Variants in IL1RAPL1 observed in about 807,000 individuals in gnomAD.
IL1RAPL1 encodes interleukin-1 receptor accessory protein-like 1.
In IL1RAPL1, 3 loss-of-function variants were observed where a neutral mutation model predicts 48.4. The ratio of observed to expected loss-of-function variants is 0.06; its 90% CI spans 0.03 to 0.16. The LOEUF (loss-of-function observed/expected upper bound fraction) is 0.16. Ranked by LOEUF, IL1RAPL1 falls within the 10% of genes least tolerant of loss-of-function variation. The probability of loss-of-function intolerance (pLI) is 1.00; values close to 1 mark genes in which losing one functional copy is unlikely to be tolerated. For synonymous variants in IL1RAPL1, 185 were observed against 187.7 expected, an observed-to-expected ratio of 0.99 and a Z score of 0.12; for missense variants, 349 against 530.6, an observed-to-expected ratio of 0.66 and a Z score of 3.36.
chrX:28,642,229 C>T (rs1371686468), intron 1 of IL1RAPL1, among the ~76,000 whole-genome samples: 1 of 111,028 alleles, frequency 9.0e-6, no homozygotes, highest in Non-Finnish European at 1.9e-5. Flanking sequence ...TTTAACACCC[C>T]ACTGTCAATA....
intron 5 of IL1RAPL1, among the ~76,000 whole-genome samples, chrX:29,495,813 A>G (rs923070640): frequency 9.0e-6 from 1 of 110,991 alleles, no homozygotes; most frequent in Non-Finnish European, 1.9e-5. Context: ...TGAAATACAT[A>G]CTATCGCTAT....
At chrX:29,674,888 A>C (rs182869876) in intron 6 of IL1RAPL1, among the ~76,000 whole-genome samples, 52 of 112,275 alleles carry the variant, frequency 4.6e-4, no homozygotes, top group African/African-American at 1.6e-3. Flanking sequence ...GTTCCTGCAA[A>C]GGACATGATC....
chrX:28,988,820 CAT>C (rs1306992498), intron 2 of IL1RAPL1, among the ~76,000 whole-genome samples: 4 of 111,837 alleles, frequency 3.6e-5, no homozygotes, highest in East Asian at 2.8e-4. Context: ...TTATAGCACA[CAT>C]GATTGTTGTA....
intron 7 of IL1RAPL1, among the ~76,000 whole-genome samples, chrX:29,918,164 T>A (rs1932816943): frequency 4.4e-5 from 3 of 67,826 alleles, no homozygotes; most frequent in African/African-American, 1.7e-4. Flanking sequence ...TATATATATA[T>A]ATATATAGTG....
At chrX:29,257,953 A>C (rs5943629) in intron 2 of IL1RAPL1, among the ~76,000 whole-genome samples, 58,512 of 110,348 alleles carry the variant, frequency 0.53, 12,810 homozygotes, top group Non-Finnish European at 0.69. Context: ...CTTTGACAAC[A>C]TTTGTGAAAG....
At chrX:29,378,822 A>C (rs1056008594) in intron 3 of IL1RAPL1, among the ~76,000 whole-genome samples, 1 of 112,100 alleles carries the variant, frequency 8.9e-6, no homozygotes, top group African/African-American at 3.2e-5. Context: ...CCTGGGTCTT[A>C]GGAAACCCCT....
At chrX:29,276,485 G>C (rs1569596) in intron 2 of IL1RAPL1, among the ~76,000 whole-genome samples, 53,229 of 110,201 alleles carry the variant, frequency 0.48, 10,287 homozygotes, top group Non-Finnish European at 0.61. Context: ...TTAATTATCA[G>C]GGTTAAAAAT....
intron 2 of IL1RAPL1, among the ~76,000 whole-genome samples, chrX:28,966,159 C>A (rs1374023068): frequency 1.8e-5 from 2 of 111,824 alleles, no homozygotes; most frequent in Non-Finnish European, 3.8e-5. Flanking sequence ...TTAGAATAAG[C>A]CAATCTTTAG....
chrX:29,055,749 A>AACAT (rs1927199055), intron 2 of IL1RAPL1, among the ~76,000 whole-genome samples: 1 of 112,070 alleles, frequency 8.9e-6, no homozygotes, highest in Non-Finnish European at 1.9e-5. Flanking sequence ...ACTGACATGA[A>AACAT]ACATACATTA....
intron 6 of IL1RAPL1, among the ~76,000 whole-genome samples, chrX:29,806,004 G>T (rs1245588448): frequency 9.3e-6 from 1 of 108,061 alleles, no homozygotes; most frequent in Non-Finnish European, 1.9e-5. Flanking sequence ...AGGGATGGAG[G>T]CAGGGAGGGA....
chrX:29,878,951 A>G (rs1198320645), intron 6 of IL1RAPL1, among the ~76,000 whole-genome samples: 1 of 111,847 alleles, frequency 8.9e-6, no homozygotes, highest in Non-Finnish European at 1.9e-5. Context: ...CTGCACATGA[A>G]TGTTTATAGC....
intron 2 of IL1RAPL1, among the ~76,000 whole-genome samples, chrX:28,904,193 G>T (rs1331997033): frequency 9.0e-6 from 1 of 111,162 alleles, no homozygotes. Context: ...AAATTAAATT[G>T]TTTAATCATA....
rs757953632 is a variant in IL1RAPL1 at position 28,668,970 on chromosome X, G to A, written c.-25+80923G>A. Among the ~76,000 whole-genome samples, 455 of 111,679 alleles carry A rather than the reference G, an allele frequency of 4.1e-3. 1 individual carries two copies. The highest frequency in any genetic ancestry group is 0.014 in the African/African-American group (425 of 30,738). ...ATAATAATATTCATTCTTTCTCACA[G>A]TGGTTAAGAGGATTAAATTAGGAAA... On this transcript the variant is annotated intron_variant, in intron 1 of 10. Coordinates refer to ENST00000378993, the MANE Select transcript of IL1RAPL1 (RefSeq NM_014271.4).
chrX:29,818,229 GA>G (rs1004706613), intron 6 of IL1RAPL1, among the ~76,000 whole-genome samples: 4 of 112,333 alleles, frequency 3.6e-5, no homozygotes, highest in Middle Eastern at 9.2e-3. Context: ...TTGAACAGTG[GA>G]AAAAAATGCA....
chrX:29,912,720 G>T (rs1215300665), intron 6 of IL1RAPL1, among the ~76,000 whole-genome samples: 3 of 112,041 alleles, frequency 2.7e-5, no homozygotes, highest in East Asian at 2.8e-4. Flanking sequence ...AAAATCAAGA[G>T]ACTATAAAAT....
At chrX:28,642,999 C>T (rs1000495613) in intron 1 of IL1RAPL1, among the ~76,000 whole-genome samples, 1 of 110,554 alleles carries the variant, frequency 9.0e-6, no homozygotes, top group Non-Finnish European at 1.9e-5. Flanking sequence ...AGTGATTCTC[C>T]TCTCTCAGCC....
At chrX:29,873,013 C>T (rs1181422099) in intron 6 of IL1RAPL1, among the ~76,000 whole-genome samples, 1 of 111,688 alleles carries the variant, frequency 9.0e-6, no homozygotes, top group Admixed American at 9.5e-5. Flanking sequence ...GGTCACAGCC[C>T]ACACAATCAC....
At chrX:28,642,606 C>G (rs1294607831) in intron 1 of IL1RAPL1, among the ~76,000 whole-genome samples, 1 of 111,622 alleles carries the variant, frequency 9.0e-6, no homozygotes, top group Non-Finnish European at 1.9e-5. Context: ...TTGTTTGAAA[C>G]CAATGAGAAC....
In IL1RAPL1 at chrX:28,789,257, T is replaced by G. The variant is rs1177672304; in HGVS notation, c.-24-63T>G. 5 of 619,823 alleles carry G rather than the reference T, an allele frequency of 8.1e-6. No individual in the cohort carries two copies. The East Asian group carries it at 1.4e-4, about 17-fold the overall frequency. 51.1% of individuals were successfully genotyped at this position (619,823 alleles called of 1,213,427 possible). A position where few individuals can be genotyped will look rare whatever the true frequency, so the allele number is the denominator to read the frequency against. ...ATGTTTGATCAAAGTTATGAAACTC[T>G]AATAATATTGCTATCTATTTTTAAA... On this transcript the variant is annotated intron_variant, in intron 1 of 10. Coordinates refer to ENST00000378993, the MANE Select transcript of IL1RAPL1 (RefSeq NM_014271.4).
Sources: allele counts gnomAD v4.1 joint callset (sites outside exome capture counted in the v4.1 genomes callset), GRCh38; gene constraint gnomAD v4.1.1; transcripts MANE v1.5; gene names NCBI Gene and HGNC (gene_info 2026-07-23, HGNC 2026-07-21).